The following LRP1B variants were observed in gnomAD, a reference collection of about 807,000 sequenced individuals.
The protein encoded by LRP1B is low-density lipoprotein receptor-related protein 1B.
LRP1B carries 217 observed loss-of-function variants against 556.6 expected under a neutral mutation model. That is an observed-to-expected ratio of 0.39 (90% CI 0.35 to 0.44). The LOEUF (loss-of-function observed/expected upper bound fraction) is 0.44, where lower values mean the gene tolerates loss of function less well. Ranked by LOEUF, LRP1B falls within the 20% of genes least tolerant of loss-of-function variation. LRP1B has a pLI of 1.00. For missense variants in LRP1B, 5,053 were observed against 5,620.8 expected (o/e 0.90, Z 3.23); for synonymous variants, 2,047 against 1,865.8 (o/e 1.10, Z -2.50).
At chr2:140,921,694 GA>G (rs892211179) in intron 21 of LRP1B, among the ~76,000 whole-genome samples, 2 of 151,842 alleles carry the variant, frequency 1.3e-5, no homozygotes, top group African/African-American at 4.8e-5. Context: ...AATATTGTTG[GA>G]AAAAAATGTT....
intron 3 of LRP1B, among the ~76,000 whole-genome samples, chr2:141,304,342 T>C (rs542983317): frequency 3.4e-4 from 51 of 152,100 alleles, no homozygotes; most frequent in Non-Finnish European, 6.2e-4. Flanking sequence ...TTTGCCTAGA[T>C]CAACGTATTG....
At chr2:141,708,285 G>T (rs1355388346) in intron 2 of LRP1B, among the ~76,000 whole-genome samples, 3 of 152,004 alleles carry the variant, frequency 2.0e-5, no homozygotes, top group Admixed American at 6.6e-5. Context: ...CCTAGATAGT[G>T]TAATGATATC....
At chr2:141,394,319 T>C (rs1322154232) in intron 3 of LRP1B, among the ~76,000 whole-genome samples, 2 of 152,126 alleles carry the variant, frequency 1.3e-5, no homozygotes, top group African/African-American at 4.8e-5. Context: ...TCTTAAGAGA[T>C]TATGAAAAAT....
intron 1 of LRP1B, among the ~76,000 whole-genome samples, chr2:141,936,421 C>A (rs1574507740): frequency 6.6e-6 from 1 of 152,178 alleles, no homozygotes; most frequent in East Asian, 1.9e-4. Flanking sequence ...TTTCTATAGA[C>A]AAACAGCAAC....
chr2:140,635,908 A>G (rs140161452), intron 41 of LRP1B, among the ~76,000 whole-genome samples: 53 of 152,204 alleles, frequency 3.5e-4, no homozygotes, highest in Admixed American at 5.9e-4. Context: ...ATCTTAGCCA[A>G]TCCTTTCTTT....
At chr2:140,366,587 G>A (rs1253865777) in intron 71 of LRP1B, among the ~76,000 whole-genome samples, 2 of 151,754 alleles carry the variant, frequency 1.3e-5, no homozygotes, top group African/African-American at 4.8e-5. Flanking sequence ...GTCTACAAAA[G>A]AGACTGAGAA....
intron 83 of LRP1B, among the ~76,000 whole-genome samples, chr2:140,299,614 G>A (rs953241491): frequency 6.6e-6 from 1 of 152,002 alleles, no homozygotes; most frequent in Non-Finnish European, 1.5e-5. Context: ...TAGAAACACA[G>A]TATCTTCACT....
intron 66 of LRP1B, among the ~76,000 whole-genome samples, 181 bp downstream of exon 66, chr2:140,442,323 C>T (rs1478347730): frequency 1.3e-5 from 2 of 152,188 alleles, no homozygotes; most frequent in Admixed American, 6.5e-5. Context: ...TCCATCTTAT[C>T]ACTCCAGGCT....
At chr2:140,837,768 C>T (rs1191034715) in intron 31 of LRP1B, among the ~76,000 whole-genome samples, 2 of 148,944 alleles carry the variant, frequency 1.3e-5, no homozygotes, top group Non-Finnish European at 3.0e-5. Flanking sequence ...GGAAGGGGAA[C>T]ATCACACACC....
intron 9 of LRP1B, 23 bp from the exon 10 acceptor site, chr2:141,055,282 T>A (rs2105456328): frequency 6.3e-7 from 1 of 1,595,496 alleles, no homozygotes; most frequent in South Asian, 1.1e-5. Context: ...AAAAACAGCA[T>A]GCGTGAAATT....
intron 1 of LRP1B, among the ~76,000 whole-genome samples, chr2:141,986,416 G>T (rs1167802658): frequency 6.6e-6 from 1 of 151,846 alleles, no homozygotes; most frequent in East Asian, 1.9e-4. Flanking sequence ...GTATTCTAAG[G>T]TATGGGTTTC....
At chr2:141,577,611 T>TCC (rs1686799593) in intron 2 of LRP1B, among the ~76,000 whole-genome samples, 1 of 152,226 alleles carries the variant, frequency 6.6e-6, no homozygotes, top group African/African-American at 2.4e-5. Context: ...TTTGTAGAGA[T>TCC]CCCCGCTAAA....
intron 2 of LRP1B, among the ~76,000 whole-genome samples, chr2:141,731,828 C>T (rs1693284984): frequency 6.6e-6 from 1 of 152,128 alleles, no homozygotes; most frequent in African/African-American, 2.4e-5. Flanking sequence ...ACATAAAGAT[C>T]TTAAGTTGGT....
At chr2:142,021,779 T>TA in intron 1 of LRP1B, among the ~76,000 whole-genome samples, 2 of 152,152 alleles carry the variant, frequency 1.3e-5, no homozygotes, top group Middle Eastern at 3.4e-3. Context: ...AAAATAATAA[T>TA]AAAAAATTAA....
intron 66 of LRP1B, among the ~76,000 whole-genome samples, chr2:140,392,834 T>G (rs1573883473): frequency 6.6e-6 from 1 of 152,220 alleles, no homozygotes; most frequent in East Asian, 1.9e-4. Context: ...TACCACTTTT[T>G]ATCTCCTCCT....
At chr2:141,259,621 C>G (rs1023486885) in intron 3 of LRP1B, among the ~76,000 whole-genome samples, 1 of 152,162 alleles carries the variant, frequency 6.6e-6, no homozygotes, top group Admixed American at 6.5e-5. Context: ...TGAAACAGCA[C>G]CTGGGAAGTC....
At chr2:141,268,656 C>A (rs1026757632) in intron 3 of LRP1B, among the ~76,000 whole-genome samples, 1 of 151,998 alleles carries the variant, frequency 6.6e-6, no homozygotes, top group Non-Finnish European at 1.5e-5. Flanking sequence ...GAGTGGAATG[C>A]GGTGGGAACA....
At chr2:141,444,796 A>G (rs928889381) in intron 3 of LRP1B, among the ~76,000 whole-genome samples, 21 of 152,180 alleles carry the variant, frequency 1.4e-4, no homozygotes, top group African/African-American at 5.1e-4. Flanking sequence ...CATGGTGGAT[A>G]TGCTTTTTGA....
chr2:141,469,408 A>G (rs1044764803), intron 3 of LRP1B, among the ~76,000 whole-genome samples: 1 of 152,142 alleles, frequency 6.6e-6, no homozygotes, highest in African/African-American at 2.4e-5. Context: ...GAGGCTTGGT[A>G]GCTTAAACAA....
Sources: allele counts gnomAD v4.1 joint callset (sites outside exome capture counted in the v4.1 genomes callset), GRCh38; gene constraint gnomAD v4.1.1; transcripts MANE v1.5; gene names NCBI Gene and HGNC (gene_info 2026-07-23, HGNC 2026-07-21).